Variants in CORO2A observed in about 807,000 individuals in gnomAD.
CORO2A encodes coronin 2A.
A neutral mutation model predicts 62.4 loss-of-function variants in CORO2A; 47 were observed. The ratio of observed to expected loss-of-function variants is 0.75; its 90% CI spans 0.60 to 0.96. The LOEUF (loss-of-function observed/expected upper bound fraction) is 0.96. Among genes scored for constraint, CORO2A ranks in the 40% least tolerant of loss-of-function variants. The pLI is 0.00. For missense variants in CORO2A, 610 were observed against 684.1 expected (o/e 0.89, Z 1.21); for synonymous variants, 273 against 268.9 (o/e 1.02, Z -0.15).
chr9:98,136,577 A>G (rs1587994557), intron 3 of CORO2A, among the ~76,000 whole-genome samples: 1 of 152,210 alleles, frequency 6.6e-6, no homozygotes, highest in African/African-American at 2.4e-5. Context: ...GCTTCTCTTT[A>G]AAGATGTGTC....
Position 98,157,581 on chromosome 9 carries a change from T to C in CORO2A, c.80A>G (p.Asp27Gly), listed in dbSNP as rs1564210435. ...AACGCTGCGGGTGATAGGCACGGAG[T>C]CGTAGCAGTTCTCCTTGCTGGCTGG... ...GKPASKENCY[D>G]SVPITRSVHD... The change falls in exon 2 of 12, where the codon GAC becomes GGC. Residue 27 changes from aspartate to glycine, a missense_variant. Asp to Gly is a moderately conservative substitution (Grantham distance 94). Coordinates refer to ENST00000375077, the MANE Select transcript of CORO2A (RefSeq NM_052820.4). 2.5e-6 allele frequency: 4 copies of C among 1,613,880 alleles called. No individual in the cohort carries two copies. The highest frequency in any genetic ancestry group is 3.4e-6 in the Non-Finnish European group (4 of 1,179,962).
At chr9:98,134,549 G>A (rs184313702) in intron 4 of CORO2A, among the ~76,000 whole-genome samples, 2 of 152,280 alleles carry the variant, frequency 1.3e-5, no homozygotes, top group Admixed American at 1.3e-4. Context: ...AGGAAGACAG[G>A]TACACAGAGA....
intron 2 of CORO2A, among the ~76,000 whole-genome samples, chr9:98,152,598 A>G (rs1255085288): frequency 6.6e-6 from 1 of 152,192 alleles, no homozygotes; most frequent in Non-Finnish European, 1.5e-5. Flanking sequence ...GATGCTTCTA[A>G]CATTTCCCCT....
At chr9:98,169,701 C>A (rs556100274) in intron 1 of CORO2A, among the ~76,000 whole-genome samples, 1 of 152,114 alleles carries the variant, frequency 6.6e-6, no homozygotes, top group Non-Finnish European at 1.5e-5. Context: ...CTCAAAGCAT[C>A]GTGCTTTTCA....
intron 1 of CORO2A, among the ~76,000 whole-genome samples, chr9:98,186,584 GA>G (rs1367461785): frequency 6.6e-6 from 1 of 152,112 alleles, no homozygotes; most frequent in African/African-American, 2.4e-5. Context: ...GCCTTTTTCT[GA>G]AATTCTCCAT....
At chr9:98,170,792 C>T (rs549417820) in intron 1 of CORO2A, among the ~76,000 whole-genome samples, 3 of 152,260 alleles carry the variant, frequency 2.0e-5, no homozygotes, top group South Asian at 2.1e-4. Context: ...GGGCAAATCT[C>T]GTCCCCTCTC....
chr9:98,148,368 C>T (rs1247592625), intron 2 of CORO2A, among the ~76,000 whole-genome samples: 3 of 141,812 alleles, frequency 2.1e-5, no homozygotes, highest in Non-Finnish European at 4.5e-5. Context: ...GCACTCCAGC[C>T]TGGGCGACAG....
chr9:98,178,739 T>C (rs1299463636), intron 1 of CORO2A, among the ~76,000 whole-genome samples: 1 of 152,214 alleles, frequency 6.6e-6, no homozygotes, highest in Non-Finnish European at 1.5e-5. Flanking sequence ...GAATTCTTTG[T>C]TCTATTTGTT....
At chr9:98,141,111 G>C (rs186871823) in intron 2 of CORO2A, among the ~76,000 whole-genome samples, 83 of 152,164 alleles carry the variant, frequency 5.5e-4, no homozygotes, top group African/African-American at 1.9e-3. Flanking sequence ...CATTCAGAGG[G>C]AGAAAGAGAA....
chr9:98,126,238 G>A (rs1827316732), intron 11 of CORO2A, among the ~76,000 whole-genome samples: 1 of 150,912 alleles, frequency 6.6e-6, no homozygotes, highest in Admixed American at 6.6e-5. Flanking sequence ...GTTTCACTAT[G>A]TTGGCCATGC....
Position 98,129,964 on chromosome 9 carries a change from T to G in CORO2A, c.871-74A>C. The G allele has an allele frequency of 1.7e-6, 2 of 1,179,454 alleles. 1 individual carries two copies. The highest frequency in any genetic ancestry group is 2.5e-6 in the Non-Finnish European group (2 of 794,360). The allele number at this position is 1,179,454 out of a possible 1,614,324, so 73.1% of individuals were successfully genotyped here. A position where few individuals can be genotyped will look rare whatever the true frequency, so the allele number is the denominator to read the frequency against. On this transcript the variant is annotated intron_variant, in intron 7 of 11. Coordinates refer to ENST00000375077, the MANE Select transcript of CORO2A (RefSeq NM_052820.4). The stretch of plus-strand genomic sequence containing the variant: ...CATCAGCTCATCAGCAACCCAGCCA[T>G]GCAGCAAAGACCTGGCTTTTTTTGA...
intron 2 of CORO2A, among the ~76,000 whole-genome samples, chr9:98,151,526 C>T (rs1456443647): frequency 1.3e-5 from 2 of 152,128 alleles, no homozygotes; most frequent in Non-Finnish European, 1.5e-5. Flanking sequence ...ATTCTTGTAT[C>T]CACTACCTTC....
At chr9:98,174,460 A>G (rs986523965) in intron 1 of CORO2A, among the ~76,000 whole-genome samples, 11 of 152,238 alleles carry the variant, frequency 7.2e-5, no homozygotes. Flanking sequence ...ACATTAAATA[A>G]TAGAGTAGGC....
intron 6 of CORO2A, 73 bp downstream of exon 6, chr9:98,132,112 G>A (rs1827416538): frequency 1.8e-6 from 2 of 1,109,312 alleles, no homozygotes; most frequent in African/African-American, 1.5e-5. Context: ...GTGTCTAAAT[G>A]AATGCATGCA....
At chr9:98,165,635 T>G (rs2118897061) in intron 1 of CORO2A, among the ~76,000 whole-genome samples, 1 of 152,298 alleles carries the variant, frequency 6.6e-6, no homozygotes, top group South Asian at 2.1e-4. Flanking sequence ...GGCAGTGGCT[T>G]GCAACTTTGC....
intron 1 of CORO2A, among the ~76,000 whole-genome samples, chr9:98,160,223 G>C (rs1283006518): frequency 6.6e-6 from 1 of 152,180 alleles, no homozygotes. Flanking sequence ...TGTGATTCCA[G>C]AAAGGATTTA....
chr9:98,141,349 C>CTT lies in CORO2A; in HGVS notation c.202-3663_202-3662dup, dbSNP rs138734683. On this transcript the variant is annotated intron_variant, in intron 2 of 11. Transcript: ENST00000375077. ...CCAGGTCTCCATGGGACCACTGACC[C>CTT]TTTTTTTTTTTTTTTTTTTGGACAT... Among the ~76,000 whole-genome samples, 11 of 103,814 alleles carry CTT rather than the reference C, an allele frequency of 1.1e-4. 1 individual carries two copies. Among genetic ancestry groups the CTT allele is most frequent in the East Asian group, 2.7e-4 (1 of 3,702 alleles). 68.1% of individuals were successfully genotyped at this position (103,814 alleles called of 152,430 possible).
intron 1 of CORO2A, among the ~76,000 whole-genome samples, chr9:98,187,027 C>T (rs919690069): frequency 3.3e-5 from 5 of 152,144 alleles, no homozygotes; most frequent in South Asian, 2.1e-4. Flanking sequence ...CGCCTGTAAT[C>T]CCAGCACTTT....
Position 98,164,821 on chromosome 9 carries a change from C to A in CORO2A, c.1-7161G>T, listed in dbSNP as rs1346364468. 2.0e-5 allele frequency among the ~76,000 whole-genome samples: 3 copies of A among 152,204 alleles called. 1 individual carries two copies. The highest frequency in any genetic ancestry group is 4.4e-5 in the Non-Finnish European group (3 of 68,038). ...CTTGCCGCTCTCCACAGAAGTAGGG[C>A]AACTAACTGTCTTGGTTTGCCTCGG... is the stretch of plus-strand genomic sequence containing the variant. On this transcript the variant is annotated intron_variant, in intron 1 of 11. Transcript: ENST00000375077.
Sources: allele counts gnomAD v4.1 joint callset (sites outside exome capture counted in the v4.1 genomes callset), GRCh38; gene constraint gnomAD v4.1.1; transcripts MANE v1.5; gene names NCBI Gene and HGNC (gene_info 2026-07-23, HGNC 2026-07-21).